Variants in AOX1 observed in about 807,000 individuals in gnomAD.
AOX1 encodes the protein aldehyde oxidase.
AOX1 carries 153 observed loss-of-function variants against 169.5 expected under a neutral mutation model. The ratio of observed to expected loss-of-function variants is 0.90; its 90% CI spans 0.79 to 1.03. The LOEUF is 1.03. AOX1 is among the 50% of genes least tolerant of loss of function. The pLI, the probability that AOX1 is intolerant of heterozygous loss-of-function variation, is 0.00. For missense variants in AOX1, 1,656 were observed against 1,663.9 expected (o/e 1.00, Z 0.08); for synonymous variants, 562 against 581.9 (o/e 0.97, Z 0.49).
At chr2:200,588,040 A>C (rs1212320680) in intron 1 of AOX1, 1 of 152,320 alleles carries the variant, frequency 6.6e-6, no homozygotes, top group Admixed American at 6.5e-5. Flanking sequence ...GATAGCAAGC[A>C]TATAAATACG....
chr2:200,670,521 GC>G (rs1431345304), intron 34 of AOX1, 107 bp from the exon 35 acceptor site: 2 of 838,888 alleles, frequency 2.4e-6, no homozygotes, highest in Non-Finnish European at 4.0e-6. Context: ...ACCTGTCATG[GC>G]CCTGGTTGCC....
At chr2:200,676,094 C>T (rs530810735), downstream of AOX1, among the ~76,000 whole-genome samples, 16 of 151,764 alleles carry the variant, frequency 1.1e-4, no homozygotes, top group Middle Eastern at 3.4e-3. Context: ...GTTTCCTTTG[C>T]GAAGTAAACA....
intron 16 of AOX1, among the ~76,000 whole-genome samples, chr2:200,617,019 G>T (rs1205106324): frequency 6.6e-6 from 1 of 152,142 alleles, no homozygotes; most frequent in African/African-American, 2.4e-5. Context: ...TTTCAAATAT[G>T]ATAGTTGAAC....
chr2:200,624,147 A>G (rs1348281808), intron 19 of AOX1, among the ~76,000 whole-genome samples, 164 bp downstream of exon 19: 3 of 152,198 alleles, frequency 2.0e-5, no homozygotes, highest in Non-Finnish European at 4.4e-5. Context: ...TTCCCCAAGG[A>G]CATGGCTTCT....
chr2:200,639,373 G>C (rs1239259546), intron 23 of AOX1, among the ~76,000 whole-genome samples: 1 of 152,184 alleles, frequency 6.6e-6, no homozygotes, highest in Non-Finnish European at 1.5e-5. Flanking sequence ...TGTCATTGGC[G>C]AGACCTCTGT....
In AOX1 at chr2:200,638,479, G is replaced by A. The variant is rs528186994; in HGVS notation, c.2568+177G>A. On this transcript the variant is annotated intron_variant, in intron 23 of 34. Coordinates refer to ENST00000374700, the MANE Select transcript of AOX1 (RefSeq NM_001159.4). ...CTTTTAATTACTAGCTGGTTCAATG[G>A]AGGCTTTTCTGCTTAGCTCAAAGAT... 3.7e-4 allele frequency among the ~76,000 whole-genome samples: 56 copies of A among 152,278 alleles called. 1 individual carries two copies. The South Asian group carries it at 0.012, about 32-fold the overall frequency.
At chr2:200,661,197 C>A (rs3815502) in intron 29 of AOX1, among the ~76,000 whole-genome samples, 2 of 151,978 alleles carry the variant, frequency 1.3e-5, no homozygotes, top group East Asian at 3.9e-4. Context: ...TAAAATGAAC[C>A]CTTACTCTAT....
chr2:200,611,374 CT>C lies in AOX1; in HGVS notation c.1154-7del, dbSNP rs755585347. ...ACAGATCCCAGGGAAAGTGTCATTT[CT>C]TTCCACAGAAGGAAAACGACAGATT... On this transcript the variant is annotated splice_polypyrimidine_tract_variant and intron_variant, in intron 12 of 34. Coordinates refer to ENST00000374700, the MANE Select transcript of AOX1 (RefSeq NM_001159.4). 1 of 1,591,402 alleles carries C rather than the reference CT, an allele frequency of 6.3e-7. No homozygotes were observed. The highest frequency in any genetic ancestry group is 1.7e-5 in the Admixed American group (1 of 59,934).
intron 31 of AOX1, 38 bp from the exon 32 acceptor site, chr2:200,666,649 T>G (rs576372864): frequency 6.7e-7 from 1 of 1,490,942 alleles, no homozygotes; most frequent in African/African-American, 1.4e-5. Context: ...TAAGTTATTC[T>G]CATTAAAATA....
At chr2:200,642,924 C>T in intron 25 of AOX1, 123 bp downstream of exon 25, 2 of 941,890 alleles carry the variant, frequency 2.1e-6, no homozygotes, top group South Asian at 3.5e-5. Context: ...CCAAGTCCCC[C>T]AGCTAACTGG....
At chr2:200,669,463 A>AT in intron 33 of AOX1, 112 bp from the exon 34 acceptor site, 2 of 1,214,826 alleles carry the variant, frequency 1.6e-6, no homozygotes, top group East Asian at 2.4e-5. Context: ...AAAAAAAAAA[A>AT]TGTACATATG....
In AOX1 at chr2:200,620,393, G is replaced by A. The variant is rs4672864; in HGVS notation, c.1705-257G>A. 0.29 allele frequency among the ~76,000 whole-genome samples: 44,534 copies of A among 151,288 alleles called. 7,083 individuals carry two copies. Among genetic ancestry groups the A allele is most frequent in the East Asian group, 0.38 (1,974 of 5,132 alleles). On this transcript the variant is annotated intron_variant, in intron 16 of 34. Coordinates refer to ENST00000374700, the MANE Select transcript of AOX1 (RefSeq NM_001159.4). The stretch of plus-strand genomic sequence containing the variant: ...TGTTTTGTTTTGTTTTTTTTTAGTA[G>A]AGACGGGGTTTTACTATGTTGGCCA...
chr2:200,603,175 C>A, intron 6 of AOX1, 92 bp from the exon 7 acceptor site: 2 of 959,846 alleles, frequency 2.1e-6, no homozygotes, highest in South Asian at 1.4e-5. Context: ...GATATTGATT[C>A]AGCATTATGT....
In AOX1 at chr2:200,638,271, G is replaced by C; in HGVS notation, c.2537G>C (p.Gly846Ala). Residue 846 changes from glycine (G) to alanine (A), a missense_variant, in exon 23 of 35, where the codon GGA (glycine) becomes GCA (alanine). Coordinates refer to ENST00000374700, the MANE Select transcript of AOX1 (RefSeq NM_001159.4). ...CGAGGAGAAGACATGTTAATAACTG[G>C]AGGCCGCCATCCTTACCTTGGAAAG... ...LERGEDMLIT[G>A]GRHPYLGKYK... 6.2e-7 allele frequency: 1 copy of C among 1,613,762 alleles called. No individual in the cohort carries two copies. Among genetic ancestry groups the C allele is most frequent in the Non-Finnish European group, 8.5e-7 (1 of 1,179,714 alleles).
intron 32 of AOX1, among the ~76,000 whole-genome samples, chr2:200,667,721 A>T (rs2105776951): frequency 6.7e-6 from 1 of 149,506 alleles, no homozygotes; most frequent in East Asian, 2.0e-4. Flanking sequence ...ATGAGGAGGG[A>T]GTCAGAGAGC....
chr2:200,637,382 G>A (rs2035256063), intron 22 of AOX1, among the ~76,000 whole-genome samples: 3 of 151,902 alleles, frequency 2.0e-5, no homozygotes, highest in South Asian at 4.1e-4. Flanking sequence ...TTTGAACAAT[G>A]TACCTATATA....
chr2:200,642,506 G>C (rs2035371035), intron 24 of AOX1, 104 bp from the exon 25 acceptor site: 1 of 824,344 alleles, frequency 1.2e-6, no homozygotes, highest in African/African-American at 1.7e-5. Context: ...TGTTAGATGA[G>C]ATGAAAAGAG....
intron 27 of AOX1, 37 bp downstream of exon 27, chr2:200,656,974 G>C (rs1257035139): frequency 7.2e-7 from 1 of 1,398,092 alleles, no homozygotes; most frequent in African/African-American, 1.5e-5. Flanking sequence ...TTGGGTGTGT[G>C]CTTATAGATC....
chr2:200,599,816 A>G, intron 5 of AOX1, 70 bp downstream of exon 5: 2 of 1,230,456 alleles, frequency 1.6e-6, no homozygotes, highest in Non-Finnish European at 2.1e-6. Flanking sequence ...ACGGAATCTC[A>G]CTCTGTTGCC....
Sources: allele counts gnomAD v4.1 joint callset (sites outside exome capture counted in the v4.1 genomes callset), GRCh38; gene constraint gnomAD v4.1.1; transcripts MANE v1.5; gene names NCBI Gene and HGNC (gene_info 2026-07-23, HGNC 2026-07-21).